STARD13: variants seen among roughly 807,000 people sequenced by gnomAD.
STARD13 encodes stAR-related lipid transfer protein 13.
Under a neutral mutation model 106.4 loss-of-function variants are expected in STARD13, and 62 were observed. The observed-to-expected ratio is 0.58, with a 90% CI of 0.48 to 0.72. The LOEUF (loss-of-function observed/expected upper bound fraction) is 0.72, where lower values mean the gene tolerates loss of function less well. Ranked by LOEUF, STARD13 falls within the 30% of genes least tolerant of loss-of-function variation. The pLI is 0.00. For missense variants in STARD13, 1,387 were observed against 1,424.0 expected (o/e 0.97, Z 0.42); for synonymous variants, 565 against 553.0 (o/e 1.02, Z -0.31).
At chr13:33,124,413 A>G (rs1189143434) in intron 7 of STARD13, among the ~76,000 whole-genome samples, 1 of 152,208 alleles carries the variant, frequency 6.6e-6, no homozygotes, top group Non-Finnish European at 1.5e-5. Flanking sequence ...TACATTTAGA[A>G]TCAGTATTTA....
chr13:33,492,744 C>G, the STARD13 span, among the ~76,000 whole-genome samples: 1 of 152,278 alleles, frequency 6.6e-6, no homozygotes, highest in East Asian at 1.9e-4. Context: ...ACCAGCAGCC[C>G]TTGGGGCTGC....
intron 1 of STARD13, among the ~76,000 whole-genome samples, chr13:33,206,569 A>G (rs914162586): frequency 5.9e-5 from 9 of 152,226 alleles, no homozygotes; most frequent in Non-Finnish European, 1.2e-4. Context: ...TCAGTTGGCA[A>G]CAGGATTTGC....
the STARD13 span, among the ~76,000 whole-genome samples, chr13:33,652,042 C>T: frequency 3.9e-5 from 6 of 152,172 alleles, no homozygotes; most frequent in Admixed American, 1.3e-4. Flanking sequence ...AGCAGAACTG[C>T]CCAGTTGGTC....
At chr13:33,205,003 A>G (rs1887313230) in intron 1 of STARD13, among the ~76,000 whole-genome samples, 1 of 152,220 alleles carries the variant, frequency 6.6e-6, no homozygotes, top group South Asian at 2.1e-4. Flanking sequence ...GAGCCCCCTG[A>G]AAACTTTCTG....
the STARD13 span, among the ~76,000 whole-genome samples, chr13:33,385,123 C>G: frequency 7.6e-6 from 1 of 130,952 alleles, no homozygotes; most frequent in Middle Eastern, 4.4e-3. Context: ...AAGAAAGGTT[C>G]GGAATATATA....
intron 1 of STARD13, among the ~76,000 whole-genome samples, chr13:33,311,067 C>T (rs185526552): frequency 1.3e-5 from 2 of 150,650 alleles, no homozygotes; most frequent in Admixed American, 1.3e-4. Context: ...AAGGTCAAGG[C>T]AGGATCACTT....
chr13:33,168,979 G>A (rs984525190), intron 1 of STARD13, among the ~76,000 whole-genome samples: 20 of 152,164 alleles, frequency 1.3e-4, no homozygotes, highest in Non-Finnish European at 2.6e-4. Context: ...GCCCCGGAAC[G>A]CCTGCCTCTT....
chr13:33,349,300 C>T (rs934780029), intron 1 of STARD13: 6 of 697,348 alleles, frequency 8.6e-6, no homozygotes, highest in East Asian at 8.1e-5. Flanking sequence ...TTCCCCCAGT[C>T]CCCGAAGCAT....
the STARD13 span, among the ~76,000 whole-genome samples, chr13:33,367,363 C>T: frequency 6.6e-6 from 1 of 151,924 alleles, no homozygotes; most frequent in African/African-American, 2.4e-5. Flanking sequence ...AGACAGTTCT[C>T]TGCCTTAAAC....
chr13:33,639,283 T>C, the STARD13 span, among the ~76,000 whole-genome samples: 2 of 152,110 alleles, frequency 1.3e-5, no homozygotes, highest in Non-Finnish European at 2.9e-5. Context: ...TGGGAATACT[T>C]GTACCAAGGC....
the STARD13 span, among the ~76,000 whole-genome samples, chr13:33,547,362 G>C: frequency 6.6e-6 from 1 of 152,034 alleles, no homozygotes; most frequent in African/African-American, 2.4e-5. Context: ...CATTCCTACT[G>C]TACAAAATTT....
the STARD13 span, among the ~76,000 whole-genome samples, chr13:33,642,122 G>A: frequency 2.0e-5 from 3 of 152,170 alleles, no homozygotes; most frequent in Admixed American, 6.5e-5. Context: ...CTGGCAAGAG[G>A]GTAGTTGGAT....
At chr13:33,312,372 C>CAAG (rs1566133334) in intron 1 of STARD13, among the ~76,000 whole-genome samples, 1 of 152,144 alleles carries the variant, frequency 6.6e-6, no homozygotes, top group Non-Finnish European at 1.5e-5. Context: ...TTGAAATTCC[C>CAAG]TTGTCAGGGG....
intron 1 of STARD13, among the ~76,000 whole-genome samples, chr13:33,194,402 T>TA (rs995685278): frequency 4.6e-5 from 7 of 152,134 alleles, no homozygotes; most frequent in African/African-American, 1.7e-4. Context: ...ATGTTTTCAT[T>TA]AAAAAAATAT....
chr13:33,590,145 T>A, the STARD13 span, among the ~76,000 whole-genome samples: 1 of 152,138 alleles, frequency 6.6e-6, no homozygotes, highest in African/African-American at 2.4e-5. Flanking sequence ...AAAACCACAA[T>A]GAGATACCAT....
the STARD13 span, among the ~76,000 whole-genome samples, chr13:33,619,996 G>T: frequency 6.6e-6 from 1 of 152,078 alleles, no homozygotes; most frequent in African/African-American, 2.4e-5. Context: ...GCCGGAGGTT[G>T]CAGTGAGCTA....
At chr13:33,429,245 T>G in the STARD13 span, among the ~76,000 whole-genome samples, 4 of 152,160 alleles carry the variant, frequency 2.6e-5, no homozygotes, top group Admixed American at 6.5e-5. Context: ...GCAGCAATGT[T>G]TACAATAGCT....
At chr13:33,292,600 C>CA (rs139950581) in intron 1 of STARD13, among the ~76,000 whole-genome samples, 45,401 of 137,838 alleles carry the variant, frequency 0.33, 7,732 homozygotes, top group South Asian at 0.49. Flanking sequence ...GACCCCATTT[C>CA]AAAAAAAAAA....
the STARD13 span, among the ~76,000 whole-genome samples, chr13:33,674,703 G>A: frequency 1.9e-3 from 291 of 152,076 alleles, 2 homozygotes; most frequent in African/African-American, 6.6e-3. Flanking sequence ...TAAAGAAAGT[G>A]TCATCTTTAG....
Sources: gnomAD v4.1 joint callset for allele counts (sites outside exome capture counted in the v4.1 genomes callset) on GRCh38, gnomAD v4.1.1 for gene constraint, MANE v1.5 for transcripts, NCBI Gene and HGNC (gene_info 2026-07-23, HGNC 2026-07-21) for gene names.